The following DOCK11 variants were observed in gnomAD, a reference collection of about 807,000 sequenced individuals.
DOCK11 encodes the protein dedicator of cytokinesis 11.
DOCK11 carries 70 observed loss-of-function variants against 169.1 expected under a neutral mutation model. The observed-to-expected ratio is 0.41, with a 90% confidence interval of 0.34 to 0.51. The LOEUF (loss-of-function observed/expected upper bound fraction) is 0.51. DOCK11 is among the 20% of genes least tolerant of loss of function. The pLI is 0.10. For synonymous variants in DOCK11, 529 were observed against 541.3 expected (o/e 0.98, Z 0.32); for missense variants, 1,166 against 1,538.8 (o/e 0.76, Z 4.05).
In DOCK11 at chrX:118,591,901, C is replaced by G. The variant is rs761435654; in HGVS notation, c.2140-1313C>G. On this transcript the variant is annotated intron_variant, in intron 19 of 52. Coordinates refer to ENST00000276202, the MANE Select transcript of DOCK11 (RefSeq NM_144658.4). Reference sequence around the variant, plus strand: ...TGCGGTGTTTGGTTTTTTGTCCTTGCAATAGTTTGCTGAGAATGATGGTTT... The same window carrying G: ...TGCGGTGTTTGGTTTTTTGTCCTTGGAATAGTTTGCTGAGAATGATGGTTT... Among the ~76,000 whole-genome samples the G allele has an allele frequency of 1.4e-3, 124 of 89,388 alleles. 1 individual carries two copies. The highest frequency in any genetic ancestry group is 4.5e-3 in the African/African-American group (120 of 26,494). The allele number at this position is 89,388 out of a possible 115,157, so 77.6% of individuals were successfully genotyped here. A position where few individuals can be genotyped will look rare whatever the true frequency, so the allele number is the denominator to read the frequency against.
chrX:118,591,901 C>T (rs761435654), intron 19 of DOCK11, among the ~76,000 whole-genome samples: 6 of 89,359 alleles, frequency 6.7e-5, no homozygotes, highest in South Asian at 6.8e-4. Flanking sequence ...TTTGTCCTTG[C>T]AATAGTTTGC....
At chrX:118,564,723 CTT>C (rs397781701) in intron 7 of DOCK11, among the ~76,000 whole-genome samples, 1 of 108,407 alleles carries the variant, frequency 9.2e-6, no homozygotes, top group Non-Finnish European at 1.9e-5. Flanking sequence ...CTCTCTCTCT[CTT>C]TCTCTCTTTC....
chrX:118,625,473 T>C (rs930845921), intron 32 of DOCK11, among the ~76,000 whole-genome samples: 5 of 111,642 alleles, frequency 4.5e-5, no homozygotes, highest in Non-Finnish European at 7.5e-5. Flanking sequence ...TTTAATTCAA[T>C]AGACCTGGGG....
intron 10 of DOCK11, 144 bp from the exon 11 acceptor site, chrX:118,572,179 A>G: frequency 2.0e-6 from 1 of 493,693 alleles, no homozygotes. Context: ...AAGTCTATAA[A>G]AGCTTGTTAG....
rs1195459229 is a variant in DOCK11, at chrX:118,566,068, G to A, written c.757G>A (p.Ala253Thr). 2 of 1,210,730 alleles carry A rather than the reference G, an allele frequency of 1.7e-6. No homozygotes were observed. The highest frequency in any genetic ancestry group is 4.3e-5 in the Admixed American group (2 of 45,983). Reference protein sequence around the residue: ...KMLDKYSHYLAAETEQEMEEW... With the variant: ...KMLDKYSHYLTAETEQEMEEW... Reference sequence around the variant, plus strand: ...GTTAGATAAATATAGCCATTATCTGGCTGCTGAAACTGAGCAGGAAATGGA... The same window carrying A: ...GTTAGATAAATATAGCCATTATCTGACTGCTGAAACTGAGCAGGAAATGGA... The change falls in exon 8 of 53, where the codon GCT becomes ACT. Residue 253 changes from alanine (A) to threonine (T), a missense_variant. Coordinates refer to ENST00000276202, the MANE Select transcript of DOCK11 (RefSeq NM_144658.4).
Position 118,614,584 on chromosome X carries a change from C to A in DOCK11, c.3097-108C>A, listed in dbSNP as rs1779252167. 4.7e-5 allele frequency: 27 copies of A among 570,431 alleles called. No individual in the cohort carries two copies. The South Asian group carries it at 7.2e-4, about 15-fold the overall frequency. The allele number at this position is 570,431 out of a possible 1,213,427, so 47.0% of individuals were successfully genotyped here. The stretch of plus-strand genomic sequence containing the variant: ...AAGTTATCTATAAAAATAAAAATGT[C>A]TTTCTTTTTGTGTGGAACCAATTTT... On this transcript the variant is annotated intron_variant, in intron 28 of 52. Transcript: ENST00000276202.
intron 1 of DOCK11, among the ~76,000 whole-genome samples, chrX:118,522,482 T>C (rs1232239551): frequency 8.9e-6 from 1 of 112,284 alleles, no homozygotes; most frequent in East Asian, 2.8e-4. Flanking sequence ...CTGGATTCTC[T>C]GCTCAGGGTT....
intron 14 of DOCK11, among the ~76,000 whole-genome samples, chrX:118,581,704 T>C (rs753584147): frequency 9.9e-6 from 1 of 101,003 alleles, no homozygotes; most frequent in South Asian, 4.5e-4. Context: ...CTCTGGAGGC[T>C]GAGGCAGGAG....
At chrX:118,537,724 C>A (rs902116597) in intron 1 of DOCK11, among the ~76,000 whole-genome samples, 1 of 111,677 alleles carries the variant, frequency 9.0e-6, no homozygotes, top group African/African-American at 3.3e-5. Context: ...TGTACAGGAA[C>A]CACCACAAAA....
intron 40 of DOCK11, among the ~76,000 whole-genome samples, chrX:118,646,053 CAAA>C (rs754457760): frequency 0.044 from 1,716 of 38,841 alleles, 10 homozygotes; most frequent in Middle Eastern, 0.13. Flanking sequence ...GAGACTTCGT[CAAA>C]AAAAAAAAAA....
chrX:118,660,405 A>G (rs779145431), intron 44 of DOCK11, among the ~76,000 whole-genome samples: 2 of 111,756 alleles, frequency 1.8e-5, no homozygotes, highest in Non-Finnish European at 3.8e-5. Flanking sequence ...GTAACAGACC[A>G]TTTTAGGCAT....
chrX:118,510,396 T>A (rs2057643001), intron 1 of DOCK11, among the ~76,000 whole-genome samples: 1 of 112,484 alleles, frequency 8.9e-6, no homozygotes, highest in African/African-American at 3.2e-5. Context: ...ACATGTTTTC[T>A]TAAATTCTTC....
chrX:118,597,406 T>C (rs751661949), intron 20 of DOCK11, 25 bp from the exon 21 acceptor site: 1 of 1,209,437 alleles, frequency 8.3e-7, no homozygotes, highest in East Asian at 3.0e-5. Context: ...ATTTCATTTC[T>C]CACAGTTTGT....
At chrX:118,572,261 T>A in intron 10 of DOCK11, 62 bp from the exon 11 acceptor site, 5 of 1,006,257 alleles carry the variant, frequency 5.0e-6, no homozygotes, top group Admixed American at 2.9e-5. Context: ...TTTTGTATAT[T>A]GATGTAAATC....
chrX:118,601,665 T>C (rs1038972271), intron 23 of DOCK11, among the ~76,000 whole-genome samples: 2 of 112,095 alleles, frequency 1.8e-5, no homozygotes, highest in African/African-American at 6.5e-5. Context: ...TTCTGGTATT[T>C]ATGTGACCTA....
chrX:118,679,159 G>A (rs778958239), intron 48 of DOCK11, among the ~76,000 whole-genome samples: 5 of 111,111 alleles, frequency 4.5e-5, no homozygotes, highest in Admixed American at 1.9e-4. Flanking sequence ...AATCTCCTGC[G>A]CTCAAGCAAT....
chrX:118,685,486 TCTG>T, intron 52 of DOCK11, 199 bp from the exon 53 acceptor site: 1 of 386,236 alleles, frequency 2.6e-6, no homozygotes, highest in East Asian at 4.6e-5. Context: ...CTAGATCTTT[TCTG>T]CTTTTTTGAT....
At chrX:118,646,211 A>C (rs781017953) in intron 40 of DOCK11, among the ~76,000 whole-genome samples, 9 of 111,839 alleles carry the variant, frequency 8.0e-5, no homozygotes, top group Non-Finnish European at 1.7e-4. Flanking sequence ...AACAGTTTGC[A>C]GTATTCTGAG....
At chrX:118,650,757 A>C (rs10907032) in intron 41 of DOCK11, among the ~76,000 whole-genome samples, 25,505 of 110,957 alleles carry the variant, frequency 0.23, 2,596 homozygotes, top group African/African-American at 0.39. Context: ...TCAAAGCATC[A>C]GTTTTCTTTA....
Sources: allele counts gnomAD v4.1 joint callset (sites outside exome capture counted in the v4.1 genomes callset), GRCh38; gene constraint gnomAD v4.1.1; transcripts MANE v1.5; gene names NCBI Gene and HGNC (gene_info 2026-07-23, HGNC 2026-07-21).